The following RBFOX1 variants were observed in gnomAD, a reference collection of about 807,000 sequenced individuals.
RBFOX1 encodes the protein RNA binding fox-1 homolog 1.
RBFOX1 carries 8 observed loss-of-function variants against 57.7 expected under a neutral mutation model. The observed-to-expected ratio is 0.14, with a 90% CI of 0.08 to 0.25. The LOEUF is 0.25. Ranked by LOEUF, RBFOX1 falls within the 10% of genes least tolerant of loss-of-function variation. RBFOX1 has a pLI of 1.00. For synonymous variants in RBFOX1, 326 were observed against 222.4 expected (o/e 1.47, Z -4.15); for missense variants, 611 against 548.5 (o/e 1.11, Z -1.14).
At chr16:7,490,914 A>G (rs1042549845) in intron 4 of RBFOX1, among the ~76,000 whole-genome samples, 3 of 152,182 alleles carry the variant, frequency 2.0e-5, no homozygotes, top group Non-Finnish European at 4.4e-5. Flanking sequence ...GGATACATAG[A>G]TTCTTAGACA....
rs530335523 is a variant in RBFOX1, at chr16:7,230,720, G to A, written c.27+178622G>A. ...CTTGGAGTTGAAAGTGACCTTTAAG[G>A]CCACTTCTGTCAACTTAGCACCAAA... On this transcript the variant is annotated intron_variant, in intron 4 of 15. Transcript: ENST00000550418. Among the ~76,000 whole-genome samples the A allele has an allele frequency of 9.9e-4, 150 of 152,212 alleles. 2 individuals are homozygous for A. The South Asian group carries it at 0.029, about 30-fold the overall frequency.
chr16:5,552,540 G>A (rs945334231), intron 2 of RBFOX1, among the ~76,000 whole-genome samples: 1 of 152,194 alleles, frequency 6.6e-6, no homozygotes, highest in Non-Finnish European at 1.5e-5. Flanking sequence ...CAGAGAAGTG[G>A]TTAGAAGCCT....
intron 3 of RBFOX1, among the ~76,000 whole-genome samples, chr16:6,730,946 A>G (rs2068425509): frequency 6.6e-6 from 1 of 152,214 alleles, no homozygotes; most frequent in Non-Finnish European, 1.5e-5. Context: ...AGCTAGCTCC[A>G]CAATGATCAA....
intron 2 of RBFOX1, among the ~76,000 whole-genome samples, chr16:6,517,148 A>G (rs950468371): frequency 2.0e-5 from 3 of 152,116 alleles, no homozygotes; most frequent in Non-Finnish European, 4.4e-5. Context: ...TTCCCAGTAC[A>G]TGCTGGTTCC....
intron 3 of RBFOX1, among the ~76,000 whole-genome samples, chr16:6,712,521 T>A (rs1469575911): frequency 1.3e-5 from 2 of 152,178 alleles, no homozygotes; most frequent in Admixed American, 6.5e-5. Flanking sequence ...TATTATCATC[T>A]TTCCAGTGAC....
At chr16:5,320,431 C>T (rs913910443) in intron 1 of RBFOX1, among the ~76,000 whole-genome samples, 13 of 152,156 alleles carry the variant, frequency 8.5e-5, no homozygotes, top group Admixed American at 5.9e-4. Flanking sequence ...TTTACAAAAG[C>T]TCAGAATAGA....
At chr16:5,585,286 C>A (rs1596347102) in intron 2 of RBFOX1, among the ~76,000 whole-genome samples, 1 of 152,056 alleles carries the variant, frequency 6.6e-6, no homozygotes, top group Non-Finnish European at 1.5e-5. Context: ...TAACTGGCTG[C>A]TTTTGTTTAG....
intron 4 of RBFOX1, among the ~76,000 whole-genome samples, chr16:7,376,137 G>A (rs1253029042): frequency 6.6e-6 from 1 of 152,172 alleles, no homozygotes; most frequent in African/African-American, 2.4e-5. Context: ...CAAATATTTA[G>A]TAAGCAAGGG....
intron 1 of RBFOX1, among the ~76,000 whole-genome samples, chr16:5,439,534 T>G (rs1027985845): frequency 6.6e-6 from 1 of 151,836 alleles, no homozygotes; most frequent in Non-Finnish European, 1.5e-5. Context: ...ATCTCGTAGG[T>G]AGAACCGGGG....
chr16:7,572,567 C>T (rs34670697), intron 5 of RBFOX1, among the ~76,000 whole-genome samples: 58,739 of 151,956 alleles, frequency 0.39, 11,768 homozygotes, highest in South Asian at 0.53. Context: ...AGGCTGGGCG[C>T]GGTGGCTCAC....
chr16:5,743,926 C>G (rs2052875086), intron 3 of RBFOX1, among the ~76,000 whole-genome samples: 1 of 152,176 alleles, frequency 6.6e-6, no homozygotes, highest in South Asian at 2.1e-4. Flanking sequence ...ACTTATTCAT[C>G]TTGATAACAG....
chr16:5,512,422 CTCTCTCTCTCTG>C (rs923040356), intron 2 of RBFOX1, among the ~76,000 whole-genome samples: 2 of 81,356 alleles, frequency 2.5e-5, no homozygotes, highest in African/African-American at 2.1e-4. Context: ...CTCTCTTTCT[CTCTCTCTCTCTG>C]TCTCTCTCTC....
At chr16:6,047,973 G>A (rs756451226) in intron 1 of RBFOX1, among the ~76,000 whole-genome samples, 2 of 152,144 alleles carry the variant, frequency 1.3e-5, no homozygotes, top group Non-Finnish European at 2.9e-5. Context: ...ATTTTGCTAC[G>A]TTATCAAGGA....
At chr16:6,734,047 T>C (rs2069402977) in intron 3 of RBFOX1, among the ~76,000 whole-genome samples, 1 of 152,226 alleles carries the variant, frequency 6.6e-6, no homozygotes, top group Non-Finnish European at 1.5e-5. Context: ...TTTCTTGCCA[T>C]GGTCATTTTA....
intron 11 of RBFOX1, among the ~76,000 whole-genome samples, chr16:7,651,803 G>C (rs1184386738): frequency 6.6e-6 from 1 of 152,224 alleles, no homozygotes; most frequent in African/African-American, 2.4e-5. Flanking sequence ...CTTTGCTGTG[G>C]CTCTCCTGGG....
intron 2 of RBFOX1, among the ~76,000 whole-genome samples, chr16:6,377,499 C>G (rs1264510738): frequency 2.0e-5 from 3 of 152,080 alleles, no homozygotes; most frequent in African/African-American, 7.2e-5. Context: ...TGATAATGCT[C>G]TGGGCCCTGG....
intron 2 of RBFOX1, among the ~76,000 whole-genome samples, chr16:6,419,792 T>C (rs192170998): frequency 4.6e-5 from 7 of 152,286 alleles, no homozygotes; most frequent in Non-Finnish European, 1.0e-4. Context: ...TTAAAACTCT[T>C]ATTATCTCAG....
At chr16:5,495,952 C>A (rs2042988030) in intron 2 of RBFOX1, among the ~76,000 whole-genome samples, 1 of 152,170 alleles carries the variant, frequency 6.6e-6, no homozygotes, top group Non-Finnish European at 1.5e-5. Context: ...ATGGTGAAAC[C>A]CTGTCTCTAC....
At chr16:6,467,943 C>A (rs118132410) in intron 2 of RBFOX1, among the ~76,000 whole-genome samples, 1 of 152,020 alleles carries the variant, frequency 6.6e-6, no homozygotes, top group Admixed American at 6.6e-5. Flanking sequence ...TGGGAAAATC[C>A]CAGAATCTGC....
Sources: allele counts gnomAD v4.1 joint callset (sites outside exome capture counted in the v4.1 genomes callset), GRCh38; gene constraint gnomAD v4.1.1; transcripts MANE v1.5; gene names NCBI Gene and HGNC (gene_info 2026-07-23, HGNC 2026-07-21).